Variants in ITGB3BP observed in about 807,000 individuals in gnomAD.
The protein encoded by ITGB3BP is integrin subunit beta 3 binding protein, also known as centromere protein R.
A neutral mutation model predicts 29.1 loss-of-function variants in ITGB3BP; 27 were observed. That is an observed-to-expected ratio of 0.93 (90% CI 0.68 to 1.28). The LOEUF is 1.28. ITGB3BP is among the 50% of genes most tolerant of loss of function. The pLI, the probability that ITGB3BP is intolerant of heterozygous loss-of-function variation, is 0.00. For synonymous variants in ITGB3BP, 61 were observed against 61.4 expected (o/e 0.99, Z 0.03); for missense variants, 192 against 200.2 (o/e 0.96, Z 0.25).
upstream of ITGB3BP, among the ~76,000 whole-genome samples, chr1:63,526,715 T>C (rs1204324171): frequency 6.6e-6 from 1 of 152,270 alleles, no homozygotes; most frequent in African/African-American, 2.4e-5. Context: ...TTTTGAATTT[T>C]AAGTATTTGT....
intron 4 of ITGB3BP, among the ~76,000 whole-genome samples, chr1:63,460,435 T>C (rs2100532384): frequency 6.6e-6 from 1 of 152,352 alleles, no homozygotes; most frequent in East Asian, 1.9e-4. Context: ...TCACTTAGCA[T>C]AATGCTTTCA....
At chr1:63,515,364 T>C (rs1570328401) in intron 1 of ITGB3BP, among the ~76,000 whole-genome samples, 1 of 152,158 alleles carries the variant, frequency 6.6e-6, no homozygotes, top group East Asian at 1.9e-4. Context: ...CCAAACCACA[T>C]TGAGTTCATT....
At chr1:63,485,151 AC>A (rs1645503160) in intron 3 of ITGB3BP, among the ~76,000 whole-genome samples, 1 of 152,104 alleles carries the variant, frequency 6.6e-6, no homozygotes, top group Admixed American at 6.6e-5. Context: ...AATGGCTAGA[AC>A]ATGTATGGAA....
intron 1 of ITGB3BP, among the ~76,000 whole-genome samples, chr1:63,518,088 G>A (rs1371719248): frequency 6.6e-6 from 1 of 152,160 alleles, no homozygotes; most frequent in East Asian, 1.9e-4. Context: ...GAAGTGGTGA[G>A]AGGGCACGTT....
At chr1:63,444,488 A>G (rs1400184674) in intron 8 of ITGB3BP, among the ~76,000 whole-genome samples, 1 of 146,386 alleles carries the variant, frequency 6.8e-6, no homozygotes, top group Middle Eastern at 3.6e-3. Context: ...TACATATAGG[A>G]TATATATATT....
intron 2 of ITGB3BP, among the ~76,000 whole-genome samples, chr1:63,493,349 A>C (rs1645706099): frequency 6.6e-6 from 1 of 152,158 alleles, no homozygotes; most frequent in African/African-American, 2.4e-5. Context: ...CAGGAGGCAG[A>C]GGTTGCAGTG....
chr1:63,520,894 G>A (rs1036332006), intron 1 of ITGB3BP, among the ~76,000 whole-genome samples: 3 of 152,026 alleles, frequency 2.0e-5, no homozygotes, highest in Admixed American at 2.0e-4. Context: ...GTGTTCTTAA[G>A]TTTTATAAGG....
intron 4 of ITGB3BP, among the ~76,000 whole-genome samples, chr1:63,473,367 G>A (rs1267794524): frequency 4.7e-5 from 7 of 148,252 alleles, no homozygotes; most frequent in African/African-American, 7.5e-5. Context: ...CCCCCCGCCC[G>A]GCCAGCCGCC....
intron 4 of ITGB3BP, among the ~76,000 whole-genome samples, chr1:63,476,727 T>C (rs1001992949): frequency 2.0e-5 from 3 of 152,218 alleles, no homozygotes; most frequent in Admixed American, 2.0e-4. Context: ...TCCAACAACA[T>C]TTCCTCCTTT....
chr1:63,468,992 A>C (rs1476878648), intron 4 of ITGB3BP, among the ~76,000 whole-genome samples: 1 of 151,972 alleles, frequency 6.6e-6, no homozygotes, highest in East Asian at 1.9e-4. Flanking sequence ...TGGAGGTTGC[A>C]GTGAACCAAG....
intron 4 of ITGB3BP, among the ~76,000 whole-genome samples, chr1:63,472,458 CCCTCTCCCCTCTCCCCTCTCT>C (rs1157567533): frequency 4.0e-5 from 5 of 126,146 alleles, no homozygotes; most frequent in Admixed American, 8.2e-5. Context: ...CTCCCCTCTC[CCCTCTCCCCTCTCCCCTCTCT>C]CCTCTCCACG....
chr1:63,454,467 C>G lies in ITGB3BP; in HGVS notation c.340G>C (p.Glu114Gln). Residue 114 changes from glutamate (E) to glutamine (Q), a missense_variant, in exon 6 of 9, where the codon GAG (glutamate) becomes CAG (glutamine). Glu to Gln is a conservative substitution (Grantham distance 29, BLOSUM62 2). Coordinates refer to ENST00000271002, the MANE Select transcript of ITGB3BP (RefSeq NM_014288.5). This position sits in a 1 kb window ranked among gnomAD's most constrained non-coding sequence, Gnocchi z 4.1. ...AGATTTTCAAGCTCTCTACTGCCCT[C>G]CAAAGCCTACAAGAAAGTCATCTTG... ...MQNLSSIQAL[E>Q]GSRELENLIG... is the part of the protein sequence containing the mutation. 1 of 1,571,940 alleles carries G rather than the reference C, an allele frequency of 6.4e-7. No individual in the cohort carries two copies. The highest frequency in any genetic ancestry group is 1.1e-5 in the South Asian group (1 of 87,626).
intron 2 of ITGB3BP, 140 bp downstream of exon 2, chr1:63,508,388 T>C: frequency 2.0e-6 from 1 of 491,148 alleles, no homozygotes; most frequent in Non-Finnish European, 3.6e-6. Context: ...ATGCAGAAAA[T>C]GGTGTACCAA....
intron 2 of ITGB3BP, among the ~76,000 whole-genome samples, chr1:63,507,227 T>C (rs1646100450): frequency 6.6e-6 from 1 of 152,202 alleles, no homozygotes; most frequent in Non-Finnish European, 1.5e-5. Flanking sequence ...CAACTGGTAC[T>C]ACTAAATCAG....
rs781186158 is a variant in ITGB3BP at position 63,509,929 on chromosome 1, G to A, written c.6-1359C>T. ...GAAATTACACCAGGCGTGGTGGCTC[G>A]TGCCTGTAATCTCAGTACTTTGGAA... On this transcript the variant is annotated intron_variant, in intron 1 of 8. Transcript: ENST00000271002. The A allele has an allele frequency of 1.9e-4, 72 of 384,948 alleles. 1 individual carries two copies. Among genetic ancestry groups the A allele is most frequent in the Non-Finnish European group, 2.9e-4 (64 of 217,320 alleles). The allele number at this position is 384,948 out of a possible 1,614,324, so 23.8% of individuals were successfully genotyped here.
upstream of ITGB3BP, chr1:63,525,689 T>C (rs1362997357): frequency 1.2e-6 from 2 of 1,600,344 alleles, no homozygotes; most frequent in Non-Finnish European, 8.5e-7. Flanking sequence ...ATATGAATTG[T>C]AGAGCTGCCT....
At chr1:63,502,245 T>C (rs1645950044) in intron 2 of ITGB3BP, among the ~76,000 whole-genome samples, 1 of 152,192 alleles carries the variant, frequency 6.6e-6, no homozygotes, top group Non-Finnish European at 1.5e-5. Context: ...GATTATAAAT[T>C]GGAACTTTCT....
At chr1:63,490,055 A>C (rs370275033) in intron 3 of ITGB3BP, 28 bp downstream of exon 3, 39 of 1,596,358 alleles carry the variant, frequency 2.4e-5, no homozygotes, top group Non-Finnish European at 3.0e-5. Flanking sequence ...AAAACCTTAC[A>C]ATAAGTAGAA....
intron 4 of ITGB3BP, among the ~76,000 whole-genome samples, chr1:63,469,697 T>C (rs922255852): frequency 1.3e-5 from 2 of 152,180 alleles, no homozygotes; most frequent in African/African-American, 2.4e-5. Flanking sequence ...AGAACACAGT[T>C]TGGAAAATGT....
Sources: gnomAD v4.1 joint callset for allele counts (sites outside exome capture counted in the v4.1 genomes callset) on GRCh38, gnomAD v4.1.1 for gene constraint, Gnocchi (gnomAD v3.1) non-coding constraint, MANE v1.5 for transcripts, NCBI Gene and HGNC (gene_info 2026-07-23, HGNC 2026-07-21) for gene names.